TYW1B: variants seen among roughly 807,000 people sequenced by gnomAD.
TYW1B encodes the protein S-adenosyl-L-methionine-dependent tRNA 4-demethylwyosine synthase TYW1B.
TYW1B carries 73 observed loss-of-function variants against 86.9 expected under a neutral mutation model. That is an observed-to-expected ratio of 0.84 (90% confidence interval 0.70 to 1.02). The LOEUF (loss-of-function observed/expected upper bound fraction) is 1.02, where lower values mean the gene tolerates loss of function less well. Ranked by LOEUF, TYW1B falls within the 50% of genes least tolerant of loss-of-function variation. The pLI is 0.00. For missense variants in TYW1B, 637 were observed against 827.4 expected (o/e 0.77, Z 2.82); for synonymous variants, 248 against 292.8 (o/e 0.85, Z 1.56).
At chr7:72,777,765 A>C (rs1563090924) in intron 6 of TYW1B, among the ~76,000 whole-genome samples, 1 of 151,974 alleles carries the variant, frequency 6.6e-6, no homozygotes, top group Non-Finnish European at 1.5e-5. Context: ...AAAATACAAA[A>C]ATTAGCCGGG....
chr7:72,660,630 AT>A lies in TYW1B; in HGVS notation c.1507-31634del, dbSNP rs1813307010. The stretch of plus-strand genomic sequence containing the variant: ...TGCTTATAGATATATTCCTCTATGT[AT>A]TTTCCTTAACTGTGAAGATTTAAAT... On this transcript the variant is annotated intron_variant, in intron 11 of 13. Transcript: ENST00000620995. Among the ~76,000 whole-genome samples, 10 of 152,242 alleles carry A rather than the reference AT, an allele frequency of 6.6e-5. No individual in the cohort carries two copies. In the South Asian group the frequency reaches 2.1e-3, roughly 32 times the overall value.
chr7:72,596,383 T>A (rs1422789834), intron 13 of TYW1B, among the ~76,000 whole-genome samples: 1 of 152,010 alleles, frequency 6.6e-6, no homozygotes, highest in African/African-American at 2.4e-5. Context: ...ACTCCCTGAT[T>A]TCAAAACTTA....
chr7:72,774,535 A>T (rs1787921224), intron 7 of TYW1B, among the ~76,000 whole-genome samples: 2 of 152,012 alleles, frequency 1.3e-5, no homozygotes, highest in African/African-American at 4.8e-5. Flanking sequence ...ATCCTGGCTA[A>T]CACGGTAAAA....
At position 72,668,545 on chromosome 7, in the gene TYW1B, T is replaced by A. The variant is rs146722875; in HGVS notation, c.1506+26142A>T. On this transcript the variant is annotated intron_variant, in intron 11 of 13. Transcript: ENST00000620995. The stretch of plus-strand genomic sequence containing the variant: ...CTTCTCAACACCCCAGCTTATCCAC[T>A]GTCATTCCACTCCCCATCCGACCCC... Among the ~76,000 whole-genome samples the A allele has an allele frequency of 1.4e-4, 21 of 152,240 alleles. No individual in the cohort carries two copies. In the East Asian group the frequency reaches 4.1e-3, roughly 29 times the overall value.
intron 7 of TYW1B, among the ~76,000 whole-genome samples, chr7:72,748,591 T>C (rs1554464313): frequency 2.0e-5 from 3 of 150,456 alleles, no homozygotes; most frequent in Non-Finnish European, 4.4e-5. Flanking sequence ...CTGTAAGAAT[T>C]TTGTAGAGGT....
chr7:72,767,569 C>T (rs1787792648), intron 7 of TYW1B, among the ~76,000 whole-genome samples: 1 of 151,900 alleles, frequency 6.6e-6, no homozygotes, highest in Non-Finnish European at 1.5e-5. Context: ...GAGATCACAC[C>T]ACTGCACTCC....
chr7:72,760,815 G>T lies in TYW1B; in HGVS notation c.965-16214C>A, dbSNP rs117644382. ...CTACTAGACATTTTAAGACATCAGG[G>T]TTTCACAACAAGGTTATAAAACTAT... On this transcript the variant is annotated intron_variant, in intron 7 of 13. Transcript: ENST00000620995. Among the ~76,000 whole-genome samples the T allele has an allele frequency of 5.7e-3, 871 of 152,218 alleles. 5 individuals carry two copies. The highest frequency in any genetic ancestry group is 0.01 in the Admixed American group (157 of 15,284).
At chr7:72,764,106 C>G (rs879994648) in intron 7 of TYW1B, among the ~76,000 whole-genome samples, 43 of 151,928 alleles carry the variant, frequency 2.8e-4, no homozygotes, top group Admixed American at 2.8e-3. Context: ...TGGTTGTTAT[C>G]TTAAAATACT....
chr7:72,822,545 C>G (rs1788849207), intron 2 of TYW1B, among the ~76,000 whole-genome samples: 1 of 152,184 alleles, frequency 6.6e-6, no homozygotes, highest in South Asian at 2.1e-4. Context: ...ATTAGCAATA[C>G]TAACATGCTG....
At chr7:72,817,274 G>T (rs1279621352) in intron 2 of TYW1B, among the ~76,000 whole-genome samples, 1 of 151,948 alleles carries the variant, frequency 6.6e-6, no homozygotes, top group Non-Finnish European at 1.5e-5. Context: ...AGTGGTGGTG[G>T]GCACCTGTAA....
chr7:72,807,477 G>C, intron 4 of TYW1B, 121 bp from the exon 5 acceptor site: 1 of 1,321,842 alleles, frequency 7.6e-7, no homozygotes, highest in Non-Finnish European at 1.0e-6. Flanking sequence ...CTAAGAAAGA[G>C]GAAATTGCTG....
intron 3 of TYW1B, among the ~76,000 whole-genome samples, chr7:72,812,756 C>A (rs1326718956): frequency 6.7e-6 from 1 of 150,024 alleles, no homozygotes; most frequent in Non-Finnish European, 1.5e-5. Flanking sequence ...AGTGCAGTGG[C>A]ATGATCTCAG....
chr7:72,647,861 T>C (rs534069156), intron 11 of TYW1B, among the ~76,000 whole-genome samples: 1 of 152,210 alleles, frequency 6.6e-6, no homozygotes, highest in East Asian at 1.9e-4. Flanking sequence ...ATTTTTTTTG[T>C]ATTTTTTAGT....
chr7:72,724,794 T>A (rs1248924681), intron 9 of TYW1B, among the ~76,000 whole-genome samples: 1 of 152,220 alleles, frequency 6.6e-6, no homozygotes, highest in Admixed American at 6.5e-5. Flanking sequence ...AGATATTGTA[T>A]AAATACCATT....
At chr7:72,622,719 ACACACATACATG>A (rs2129568559) in intron 12 of TYW1B, among the ~76,000 whole-genome samples, 1 of 151,492 alleles carries the variant, frequency 6.6e-6, no homozygotes, top group Non-Finnish European at 1.5e-5. Flanking sequence ...CACACACACA[ACACACATACATG>A]CACACATACA....
chr7:72,717,856 C>T (rs1247964212), intron 9 of TYW1B, among the ~76,000 whole-genome samples: 5 of 152,236 alleles, frequency 3.3e-5, no homozygotes, highest in African/African-American at 9.6e-5. Context: ...ACAGAATTGG[C>T]GTGGATTACA....
intron 13 of TYW1B, among the ~76,000 whole-genome samples, chr7:72,588,317 G>A (rs782721587): frequency 3.3e-5 from 5 of 152,320 alleles, no homozygotes; most frequent in South Asian, 2.1e-4. Context: ...TCTGATCAGC[G>A]TTACCAAAAT....
At chr7:72,625,901 G>C (rs1222618286) in intron 12 of TYW1B, among the ~76,000 whole-genome samples, 2 of 86,360 alleles carry the variant, frequency 2.3e-5, no homozygotes, top group Admixed American at 1.2e-4. Context: ...TGGGGCGGGG[G>C]GGGGGGAAGA....
chr7:72,632,346 T>TTATATATTATATATATACG (rs1812527674), intron 11 of TYW1B, among the ~76,000 whole-genome samples: 1 of 103,594 alleles, frequency 9.7e-6, no homozygotes, highest in Non-Finnish European at 1.8e-5. Flanking sequence ...CGTATATATA[T>TTATATATTATATATATACG]TATATATATT....
Sources: gnomAD v4.1 joint callset for allele counts (sites outside exome capture counted in the v4.1 genomes callset) on GRCh38, gnomAD v4.1.1 for gene constraint, MANE v1.5 for transcripts, NCBI Gene and HGNC (gene_info 2026-07-23, HGNC 2026-07-21) for gene names.